The following SLC16A2 variants were observed in gnomAD, a reference collection of about 807,000 sequenced individuals.
SLC16A2 encodes the protein solute carrier family 16 member 2, also known as monocarboxylate transporter 8.
A neutral mutation model predicts 27.2 loss-of-function variants in SLC16A2; 3 were observed. That is an observed-to-expected ratio of 0.11 (90% CI 0.05 to 0.28). SLC16A2 has a LOEUF of 0.28. Among genes scored for constraint, SLC16A2 ranks in the 10% least tolerant of loss-of-function variants. SLC16A2 has a pLI of 1.00. For missense variants in SLC16A2, 295 were observed against 458.5 expected, an observed-to-expected ratio of 0.64 and a Z score of 3.26; for synonymous variants, 202 against 187.8, an observed-to-expected ratio of 1.08 and a Z score of -0.62.
At chrX:74,493,783 C>A (rs1929882058) in intron 1 of SLC16A2, among the ~76,000 whole-genome samples, 1 of 111,545 alleles carries the variant, frequency 9.0e-6, no homozygotes, top group African/African-American at 3.3e-5. Context: ...CAGGTGCGTG[C>A]ATTCCCTCTC....
chrX:74,448,604 A>G (rs1320473341), intron 1 of SLC16A2, among the ~76,000 whole-genome samples: 1 of 111,104 alleles, frequency 9.0e-6, no homozygotes, highest in Non-Finnish European at 1.9e-5. Flanking sequence ...CTAGGCAGGT[A>G]TACATTCTTA....
At chrX:74,436,616 A>G (rs1928636626) in intron 1 of SLC16A2, among the ~76,000 whole-genome samples, 1 of 112,303 alleles carries the variant, frequency 8.9e-6, no homozygotes, top group Non-Finnish European at 1.9e-5. Flanking sequence ...TAGCTAGCTT[A>G]GAACAGTGCC....
rs186106768 is a variant in SLC16A2, at chrX:74,448,478, A to G, written c.430+26411A>G. ...GTTCTCTCACCCTTTCTGATCAATT[A>G]CTTGTCCTTCCATGTCTCTAGAACT... On this transcript the variant is annotated intron_variant, in intron 1 of 5. Transcript: ENST00000587091. Among the ~76,000 whole-genome samples, 43 of 109,861 alleles carry G rather than the reference A, an allele frequency of 3.9e-4. No homozygotes were observed. The East Asian group carries it at 9.2e-3, about 23-fold the overall frequency.
At chrX:74,503,679 T>C in intron 1 of SLC16A2, among the ~76,000 whole-genome samples, 1 of 112,007 alleles carries the variant, frequency 8.9e-6, no homozygotes, top group Non-Finnish European at 1.9e-5. Flanking sequence ...TCTGGTCTTC[T>C]GGTACTAACT....
At chrX:74,512,255 GCAGAAGCAA>G (rs1487497403) in intron 1 of SLC16A2, among the ~76,000 whole-genome samples, 2 of 112,216 alleles carry the variant, frequency 1.8e-5, no homozygotes, top group African/African-American at 6.5e-5. Flanking sequence ...TGGTGATGGG[GCAGAAGCAA>G]GTGAATATTT....
chrX:74,470,892 G>C (rs904699349), intron 1 of SLC16A2, among the ~76,000 whole-genome samples: 5 of 110,971 alleles, frequency 4.5e-5, no homozygotes, highest in Non-Finnish European at 9.5e-5. Context: ...GAGCCAAGAT[G>C]GCGCCACTGC....
intron 1 of SLC16A2, among the ~76,000 whole-genome samples, chrX:74,486,485 T>C (rs992087891): frequency 8.9e-6 from 1 of 112,140 alleles, no homozygotes; most frequent in African/African-American, 3.2e-5. Context: ...TTTCATGTGC[T>C]CATCATCACT....
At chrX:74,443,194 GT>G (rs1421360488) in intron 1 of SLC16A2, among the ~76,000 whole-genome samples, 2 of 111,121 alleles carry the variant, frequency 1.8e-5, no homozygotes, top group East Asian at 5.6e-4. Flanking sequence ...GAACAGAAAT[GT>G]TAAGTGACTC....
chrX:74,524,091 A>G (rs1055078787), intron 2 of SLC16A2, among the ~76,000 whole-genome samples: 5 of 111,611 alleles, frequency 4.5e-5, no homozygotes, highest in African/African-American at 1.6e-4. Flanking sequence ...GAGTCATGCT[A>G]GAGTCACACA....
chrX:74,531,817 T>G lies in SLC16A2; in HGVS notation c.*264T>G, dbSNP rs1197605723. 2.4e-5 allele frequency: 10 copies of G among 416,529 alleles called. No individual in the cohort carries two copies. In the East Asian group the frequency reaches 4.1e-4, roughly 17 times the overall value. 34.3% of individuals were successfully genotyped at this position (416,529 alleles called of 1,213,427 possible). ...GGAACCACCCCTGGCCTTTGGAACC[T>G]CTCCATATACTTTCTAAGCTCTGGG... is the stretch of plus-strand genomic sequence containing the variant. On this transcript the variant is annotated 3_prime_UTR_variant, in exon 6 of 6. Coordinates refer to ENST00000587091, the MANE Select transcript of SLC16A2 (RefSeq NM_006517.5).
At chrX:74,447,684 A>T (rs1224937622) in intron 1 of SLC16A2, among the ~76,000 whole-genome samples, 2 of 99,054 alleles carry the variant, frequency 2.0e-5, no homozygotes, top group African/African-American at 7.3e-5. Context: ...CTATGTATTT[A>T]AAAAAAAAAA....
chrX:74,481,805 T>G (rs1329366756), intron 1 of SLC16A2, among the ~76,000 whole-genome samples: 1 of 107,946 alleles, frequency 9.3e-6, no homozygotes, highest in Non-Finnish European at 1.9e-5. Context: ...GTTATTGATT[T>G]GAGATGTTTT....
chrX:74,461,676 G>A (rs1455488507), intron 1 of SLC16A2, among the ~76,000 whole-genome samples: 1 of 111,737 alleles, frequency 8.9e-6, no homozygotes, highest in East Asian at 2.8e-4. Flanking sequence ...CTTTGCCTGG[G>A]ATGGCTCTGC....
intron 2 of SLC16A2, among the ~76,000 whole-genome samples, chrX:74,523,065 C>A (rs756164357): frequency 8.9e-6 from 1 of 111,930 alleles, no homozygotes; most frequent in African/African-American, 3.2e-5. Flanking sequence ...CCACTGGCCC[C>A]TTCCCTGAAG....
chrX:74,463,034 A>G (rs984995006), intron 1 of SLC16A2, among the ~76,000 whole-genome samples: 1 of 111,354 alleles, frequency 9.0e-6, no homozygotes, highest in Admixed American at 9.6e-5. Context: ...ATCTTTTAGG[A>G]TAGTGAAAAA....
chrX:74,518,184 C>T (rs1341084097), intron 1 of SLC16A2, among the ~76,000 whole-genome samples: 1 of 112,425 alleles, frequency 8.9e-6, no homozygotes, highest in Non-Finnish European at 1.9e-5. Flanking sequence ...TGACTAACTT[C>T]ACAGGAGGCT....
chrX:74,484,550 A>T (rs769431028), intron 1 of SLC16A2, among the ~76,000 whole-genome samples: 8 of 111,991 alleles, frequency 7.1e-5, no homozygotes, highest in African/African-American at 2.6e-4. Flanking sequence ...GATGTTAATA[A>T]CAGAGAGGTA....
chrX:74,441,293 A>G (rs1443571404), intron 1 of SLC16A2, among the ~76,000 whole-genome samples: 1 of 111,274 alleles, frequency 9.0e-6, no homozygotes, highest in Non-Finnish European at 1.9e-5. Flanking sequence ...CCTGACCTCA[A>G]GGTAATCCAC....
intron 1 of SLC16A2, among the ~76,000 whole-genome samples, chrX:74,514,750 C>T (rs953606154): frequency 7.2e-5 from 8 of 111,744 alleles, no homozygotes; most frequent in Non-Finnish European, 1.3e-4. Flanking sequence ...ACCCCTACTC[C>T]TCCCAACCAG....
Sources: allele counts gnomAD v4.1 joint callset (sites outside exome capture counted in the v4.1 genomes callset), GRCh38; gene constraint gnomAD v4.1.1; transcripts MANE v1.5; gene names NCBI Gene and HGNC (gene_info 2026-07-23, HGNC 2026-07-21).